The following CHODL variants were observed in gnomAD, a reference collection of about 807,000 sequenced individuals.
The protein encoded by CHODL is chondrolectin.
A neutral mutation model predicts 34.5 loss-of-function variants in CHODL; 29 were observed. That is an observed-to-expected ratio of 0.84 (90% CI 0.63 to 1.15). The LOEUF (loss-of-function observed/expected upper bound fraction) is 1.15, where lower values mean the gene tolerates loss of function less well. Ranked by LOEUF, CHODL falls within the 50% of genes most tolerant of loss-of-function variation. The pLI is 0.00. For synonymous variants in CHODL, 125 were observed against 116.1 expected (o/e 1.08, Z -0.49); for missense variants, 332 against 332.5 (o/e 1.00, Z 0.01).
At chr21:18,217,319 TG>T (rs1787675379) in intron 2 of CHODL, among the ~76,000 whole-genome samples, 1 of 152,028 alleles carries the variant, frequency 6.6e-6, no homozygotes, top group Non-Finnish European at 1.5e-5. Flanking sequence ...TTTGCAGGGC[TG>T]GGGAGGCCTC....
At chr21:18,182,070 T>C (rs1231963715) in intron 2 of CHODL, among the ~76,000 whole-genome samples, 1 of 152,200 alleles carries the variant, frequency 6.6e-6, no homozygotes, top group Non-Finnish European at 1.5e-5. Context: ...TTCAATCCTT[T>C]TGAGCCTATA....
intron 1 of CHODL, among the ~76,000 whole-genome samples, chr21:17,962,216 G>A (rs898290237): frequency 1.3e-5 from 2 of 152,198 alleles, no homozygotes; most frequent in African/African-American, 4.8e-5. Context: ...TCTTAAAGAT[G>A]TAACCTAAAC....
intron 2 of CHODL, among the ~76,000 whole-genome samples, chr21:18,097,552 T>C (rs538494099): frequency 1.3e-5 from 2 of 152,180 alleles, no homozygotes; most frequent in African/African-American, 2.4e-5. Context: ...TATAAAACAC[T>C]GATGAAAGAA....
chr21:18,069,144 T>C (rs1441948297), intron 2 of CHODL, among the ~76,000 whole-genome samples: 1 of 152,162 alleles, frequency 6.6e-6, no homozygotes, highest in East Asian at 1.9e-4. Flanking sequence ...ATGTTAATAT[T>C]AATTATCTTT....
chr21:17,922,420 A>G lies in CHODL; in HGVS notation c.-145+5020A>G, dbSNP rs184198536. 8.1e-4 allele frequency among the ~76,000 whole-genome samples: 124 copies of G among 152,184 alleles called. 1 individual carries two copies. The highest frequency in any genetic ancestry group is 1.5e-3 in the South Asian group (7 of 4,822). On this transcript the variant is annotated intron_variant, in intron 1 of 6. Transcript: ENST00000400127. ...CCTAGTATGACTTGCTGTGGCTGCA[A>G]TTACTACAGAGAAAGCAGCCAATGG...
chr21:18,197,399 T>G (rs2073601626), intron 2 of CHODL, among the ~76,000 whole-genome samples: 1 of 152,074 alleles, frequency 6.6e-6, no homozygotes, highest in Non-Finnish European at 1.5e-5. Flanking sequence ...TCACTTGAGG[T>G]CAGGAGTTCG....
chr21:17,956,932 T>G (rs945232546), intron 1 of CHODL, among the ~76,000 whole-genome samples: 1 of 151,054 alleles, frequency 6.6e-6, no homozygotes, highest in East Asian at 1.9e-4. Flanking sequence ...TGTCTGTGAG[T>G]GTTTCTGGAA....
chr21:18,230,990 C>G (rs1046309391), intron 2 of CHODL, among the ~76,000 whole-genome samples: 6 of 151,860 alleles, frequency 4.0e-5, no homozygotes, highest in African/African-American at 1.5e-4. Context: ...GTGTTTCAAC[C>G]CTTATAATGA....
At chr21:18,187,220 T>C (rs1268902706) in intron 2 of CHODL, among the ~76,000 whole-genome samples, 1 of 152,180 alleles carries the variant, frequency 6.6e-6, no homozygotes, top group African/African-American at 2.4e-5. Context: ...TGCCACTCCT[T>C]TGTATACACC....
chr21:17,957,882 C>CT lies in CHODL; in HGVS notation c.-145+40482_-145+40483insT, dbSNP rs1430120235. Among the ~76,000 whole-genome samples, 51 of 150,064 alleles carry CT rather than the reference C, an allele frequency of 3.4e-4. 1 individual carries two copies. Among genetic ancestry groups the CT allele is most frequent in the African/African-American group, 8.0e-4 (33 of 41,040 alleles). ...CTGTTTGACCTTACCTTTTAGGCAGCCTTTTTTTTTTCTTTATAAATACCC... is the reference window on the plus strand; with the variant it reads ...CTGTTTGACCTTACCTTTTAGGCAGCTCTTTTTTTTTTCTTTATAAATACCC... On this transcript the variant is annotated intron_variant, in intron 1 of 6. Coordinates refer to the CHODL transcript ENST00000400127.
intron 2 of CHODL, among the ~76,000 whole-genome samples, chr21:18,111,419 G>A (rs576696815): frequency 2.0e-5 from 3 of 152,226 alleles, no homozygotes; most frequent in South Asian, 2.1e-4. Flanking sequence ...TGAGATTGTC[G>A]GCTACGCCAG....
At chr21:18,190,434 A>G (rs1284440377) in intron 2 of CHODL, among the ~76,000 whole-genome samples, 1 of 152,248 alleles carries the variant, frequency 6.6e-6, no homozygotes, top group African/African-American at 2.4e-5. Context: ...CTGCACAATT[A>G]AAAAAGACAC....
upstream of CHODL, among the ~76,000 whole-genome samples, chr21:18,243,405 G>C (rs2074100418): frequency 6.6e-6 from 1 of 152,098 alleles, no homozygotes; most frequent in Non-Finnish European, 1.5e-5. Context: ...ATTAGCTAGT[G>C]TGAAAGTCAC....
At chr21:18,032,092 G>A (rs1292431938) in intron 2 of CHODL, among the ~76,000 whole-genome samples, 1 of 152,012 alleles carries the variant, frequency 6.6e-6, no homozygotes, top group Non-Finnish European at 1.5e-5. Flanking sequence ...GAAGATGTTA[G>A]CAAAGGATAA....
At chr21:18,232,674 A>T (rs1224856405) in intron 2 of CHODL, among the ~76,000 whole-genome samples, 5 of 151,598 alleles carry the variant, frequency 3.3e-5, no homozygotes, top group African/African-American at 1.2e-4. Flanking sequence ...CTAACCTTAA[A>T]CCATCTCAGT....
At chr21:18,201,873 C>T (rs1370473195) in intron 2 of CHODL, among the ~76,000 whole-genome samples, 1 of 143,796 alleles carries the variant, frequency 7.0e-6, no homozygotes, top group African/African-American at 2.6e-5. Context: ...GGCGCGATCT[C>T]GGCTCACTGG....
intron 2 of CHODL, among the ~76,000 whole-genome samples, chr21:18,217,791 A>G (rs1296490247): frequency 2.6e-5 from 4 of 152,198 alleles, no homozygotes; most frequent in Non-Finnish European, 5.9e-5. Context: ...ACAATGGGGT[A>G]CAGGCATTGG....
chr21:18,160,009 G>A (rs865869148), intron 2 of CHODL, among the ~76,000 whole-genome samples: 4 of 152,186 alleles, frequency 2.6e-5, no homozygotes, highest in Admixed American at 1.3e-4. Context: ...CTAGATAGCT[G>A]TAAGATATAA....
At chr21:18,184,549 C>T (rs1344345023) in intron 2 of CHODL, among the ~76,000 whole-genome samples, 2 of 152,044 alleles carry the variant, frequency 1.3e-5, no homozygotes, top group African/African-American at 4.8e-5. Flanking sequence ...TACATAATCC[C>T]CAAGTATATA....
Sources: allele counts gnomAD v4.1 joint callset (sites outside exome capture counted in the v4.1 genomes callset), GRCh38; gene constraint gnomAD v4.1.1; transcripts MANE v1.5; gene names NCBI Gene and HGNC (gene_info 2026-07-23, HGNC 2026-07-21).